The following TMC7 variants were observed in gnomAD, a reference collection of about 807,000 sequenced individuals.
TMC7 encodes the protein transmembrane channel like 7, also known as transmembrane channel-like protein 7.
Under a neutral mutation model 82.9 loss-of-function variants are expected in TMC7, and 54 were observed. That is an observed-to-expected ratio of 0.65 (90% CI 0.52 to 0.82). The LOEUF (loss-of-function observed/expected upper bound fraction) is 0.82. TMC7 is among the 40% of genes least tolerant of loss of function. The pLI is 0.00. For synonymous variants in TMC7, 350 were observed against 337.9 expected, an observed-to-expected ratio of 1.04 and a Z score of -0.39; for missense variants, 820 against 901.2, an observed-to-expected ratio of 0.91 and a Z score of 1.15.
At chr16:19,014,940 T>C (rs113831428) in intron 2 of TMC7, among the ~76,000 whole-genome samples, 18 of 152,296 alleles carry the variant, frequency 1.2e-4, no homozygotes, top group Admixed American at 5.9e-4. Context: ...TTTTGGCTTT[T>C]ATTTTTATTA....
At chr16:18,998,494 C>T (rs1368526044) in intron 1 of TMC7, among the ~76,000 whole-genome samples, 2 of 151,854 alleles carry the variant, frequency 1.3e-5, no homozygotes, top group African/African-American at 4.8e-5. Flanking sequence ...GTGGCTCACG[C>T]CTGTAATCCC....
At chr16:19,031,126 T>C (rs997347419) in intron 6 of TMC7, among the ~76,000 whole-genome samples, 12 of 152,290 alleles carry the variant, frequency 7.9e-5, no homozygotes, top group African/African-American at 2.6e-4. Flanking sequence ...CTTCAATTCT[T>C]AGGTGTAGTG....
intron 1 of TMC7, among the ~76,000 whole-genome samples, chr16:19,000,703 T>C (rs1596725440): frequency 6.6e-6 from 1 of 152,174 alleles, no homozygotes; most frequent in South Asian, 2.1e-4. Context: ...TCAATATTTT[T>C]TGCCAGCTTT....
intron 6 of TMC7, 58 bp downstream of exon 6, chr16:19,030,427 G>C: frequency 6.5e-7 from 1 of 1,548,572 alleles, no homozygotes; most frequent in Non-Finnish European, 8.7e-7. Flanking sequence ...GGCTATTGGA[G>C]ATATGGGAGC....
Position 19,044,992 on chromosome 16 carries a change from ACT to A in TMC7, c.1449_1450del (p.Tyr484ProfsTer33). The part of the protein sequence containing the change: ...TCDLCGYNQK[L>X]YPCWETQVGQ... Reference sequence around the variant, plus strand: ...GTGACCTTTGCGGCTACAACCAGAAACTCTACCCGGTGAGTTGCGGGGCGGGG... The same window carrying A: ...GTGACCTTTGCGGCTACAACCAGAAACTACCCGGTGAGTTGCGGGGCGGGG... On this transcript the variant is annotated frameshift_variant, in exon 10 of 16. Transcript: ENST00000304381. LOFTEE classifies it high-confidence loss of function. The A allele has an allele frequency of 6.2e-7, 1 of 1,612,606 alleles. No individual in the cohort carries two copies. The highest frequency in any genetic ancestry group is 2.2e-5 in the East Asian group (1 of 44,814).
intron 4 of TMC7, among the ~76,000 whole-genome samples, chr16:19,022,243 T>C (rs908620924): frequency 6.6e-6 from 1 of 152,228 alleles, no homozygotes; most frequent in Non-Finnish European, 1.5e-5. Flanking sequence ...GAGAAAGAGA[T>C]GTTACTGTAT....
intron 2 of TMC7, among the ~76,000 whole-genome samples, chr16:19,012,983 A>C (rs1959459617): frequency 6.7e-6 from 1 of 149,354 alleles, no homozygotes; most frequent in South Asian, 2.1e-4. Context: ...TGCCTGGCTA[A>C]TTTTGTAATT....
chr16:19,037,613 G>A (rs566761963), intron 7 of TMC7, among the ~76,000 whole-genome samples: 38 of 151,932 alleles, frequency 2.5e-4, no homozygotes, highest in Non-Finnish European at 4.9e-4. Flanking sequence ...GCGACTACAG[G>A]CACTCATCAC....
chr16:19,021,923 G>C (rs965487449), intron 4 of TMC7, 127 bp downstream of exon 4: 1 of 1,159,532 alleles, frequency 8.6e-7, no homozygotes, highest in African/African-American at 1.6e-5. Flanking sequence ...GATGGTCTAG[G>C]TTATGCTGCA....
chr16:19,049,277 G>A (rs372444454), intron 12 of TMC7, among the ~76,000 whole-genome samples: 3 of 152,268 alleles, frequency 2.0e-5, no homozygotes, highest in African/African-American at 7.2e-5. Context: ...GCCTGCCTTG[G>A]CCTCCCAAAG....
At chr16:19,027,558 C>T (rs1235939134) in intron 5 of TMC7, among the ~76,000 whole-genome samples, 3 of 151,984 alleles carry the variant, frequency 2.0e-5, no homozygotes, top group South Asian at 2.1e-4. Flanking sequence ...AAATATTTTC[C>T]AGGCCCAGCC....
chr16:19,050,491 CCTT>C (rs1290201992), intron 12 of TMC7, among the ~76,000 whole-genome samples: 3 of 151,608 alleles, frequency 2.0e-5, no homozygotes, highest in African/African-American at 4.8e-5. Flanking sequence ...TGTCTCTCAT[CCTT>C]CTTTTTTCTT....
At chr16:19,039,723 A>G (rs1276344550) in intron 8 of TMC7, among the ~76,000 whole-genome samples, 1 of 152,204 alleles carries the variant, frequency 6.6e-6, no homozygotes, top group African/African-American at 2.4e-5. Flanking sequence ...GCCCGTTTAT[A>G]CAGAATACAT....
intron 1 of TMC7, among the ~76,000 whole-genome samples, chr16:18,988,815 C>T (rs780165642): frequency 1.3e-5 from 2 of 152,068 alleles, no homozygotes; most frequent in Admixed American, 6.6e-5. Context: ...TCTGGGATGC[C>T]GAGGCTGGTG....
chr16:19,005,345 C>T (rs1415587694), intron 1 of TMC7, among the ~76,000 whole-genome samples: 2 of 152,314 alleles, frequency 1.3e-5, no homozygotes, highest in South Asian at 2.1e-4. Context: ...GCCTCGGCCT[C>T]CCAAAGTGCT....
At chr16:19,014,904 T>G (rs1959598501) in intron 2 of TMC7, among the ~76,000 whole-genome samples, 1 of 152,212 alleles carries the variant, frequency 6.6e-6, no homozygotes, top group Non-Finnish European at 1.5e-5. Context: ...CATGTGATTT[T>G]CATGTGTCAC....
chr16:19,001,138 C>G (rs1225031261), intron 1 of TMC7, among the ~76,000 whole-genome samples: 1 of 152,124 alleles, frequency 6.6e-6, no homozygotes, highest in African/African-American at 2.4e-5. Flanking sequence ...TTTTGACACC[C>G]TTTCTTTCCT....
chr16:18,994,236 G>A (rs1274709027), intron 1 of TMC7, among the ~76,000 whole-genome samples: 4 of 152,132 alleles, frequency 2.6e-5, no homozygotes, highest in African/African-American at 9.7e-5. Flanking sequence ...GAGAACTGTA[G>A]AGAGTAAGTG....
chr16:18,991,806 A>G (rs1045322989), intron 1 of TMC7, among the ~76,000 whole-genome samples: 6 of 151,886 alleles, frequency 4.0e-5, no homozygotes, highest in African/African-American at 9.7e-5. Context: ...TCATTGTTCA[A>G]TTCCCACCTA....
Sources: allele counts gnomAD v4.1 joint callset (sites outside exome capture counted in the v4.1 genomes callset), GRCh38; gene constraint gnomAD v4.1.1; transcripts MANE v1.5; gene names NCBI Gene and HGNC (gene_info 2026-07-23, HGNC 2026-07-21).